GRIN1: variants seen among roughly 807,000 people sequenced by gnomAD.
GRIN1 encodes glutamate receptor ionotropic, NMDA 1.
Under a neutral mutation model 103.0 loss-of-function variants are expected in GRIN1, and 38 were observed. The ratio of observed to expected loss-of-function variants is 0.37; its 90% CI spans 0.28 to 0.48. The LOEUF is 0.48. Among genes scored for constraint, GRIN1 ranks in the 20% least tolerant of loss-of-function variants. The pLI, the probability that GRIN1 is intolerant of heterozygous loss-of-function variation, is 0.98. For synonymous variants in GRIN1, 544 were observed against 532.7 expected, an observed-to-expected ratio of 1.02 and a Z score of -0.29; for missense variants, 577 against 1,288.9, an observed-to-expected ratio of 0.45 and a Z score of 8.46.
rs189630009 is a variant in GRIN1, at chr9:137,142,184, G to A, written c.393+37G>A. ...TGCCAGACCAGGCCTTCCGGCCCTCGGCCCCAGGGCACAGCCTGGCCACTC... is the reference window on the plus strand; with the variant it reads ...TGCCAGACCAGGCCTTCCGGCCCTCAGCCCCAGGGCACAGCCTGGCCACTC... On this transcript the variant is annotated intron_variant, in intron 2 of 19. Transcript: ENST00000371561. 6.0e-3 allele frequency: 9,685 copies of A among 1,611,372 alleles called. 34 individuals carry two copies. The highest frequency in any genetic ancestry group is 7.0e-3 in the Non-Finnish European group (8,270 of 1,179,150).
intron 19 of GRIN1, chr9:137,165,520 GT>G: frequency 1.7e-6 from 1 of 578,348 alleles, no homozygotes; most frequent in East Asian, 2.9e-5. Flanking sequence ...GTGTGTCTCC[GT>G]TAGTCTGCCC....
chr9:137,141,501 C>A (rs945907898), intron 1 of GRIN1, among the ~76,000 whole-genome samples: 1 of 152,202 alleles, frequency 6.6e-6, no homozygotes, highest in Non-Finnish European at 1.5e-5. Flanking sequence ...AGGCCCTGCC[C>A]CTGGAGACAC....
chr9:137,139,844 G>GT lies in GRIN1; in HGVS notation c.258+101dup, dbSNP rs3216819. ...TCCTTTCCGTGCCCCCTTCCTCCCT[G>GT]TAAGACACCACCCCAGAGTCAGCTG... On this transcript the variant is annotated intron_variant, in intron 1 of 19. Coordinates refer to ENST00000371561, the MANE Select transcript of GRIN1 (RefSeq NM_007327.4). The surrounding 1 kb of genome is among the most constrained non-coding windows in gnomAD (Gnocchi z 7.7). 4.7e-3 allele frequency: 4,420 copies of GT among 948,430 alleles called. 69 individuals carry two copies. The highest frequency in any genetic ancestry group is 0.04 in the East Asian group (1,615 of 40,746). The allele number at this position is 948,430 out of a possible 1,614,324, so 58.8% of individuals were successfully genotyped here.
chr9:137,153,800 C>T (rs1055151690), intron 4 of GRIN1, among the ~76,000 whole-genome samples: 2 of 152,170 alleles, frequency 1.3e-5, no homozygotes, highest in Non-Finnish European at 2.9e-5. Context: ...ACCACACACC[C>T]GCCAACATAA....
intron 1 of GRIN1, among the ~76,000 whole-genome samples, chr9:137,140,540 C>T (rs1023047634): frequency 6.6e-6 from 1 of 152,242 alleles, no homozygotes; most frequent in Admixed American, 6.5e-5. Flanking sequence ...CACTCATGCA[C>T]CTCAGCATCA....
In GRIN1 at chr9:137,164,180, G is replaced by A. The variant is rs550814547; in HGVS notation, c.2589+276G>A. The A allele has an allele frequency of 3.2e-4, 167 of 514,692 alleles. 6 individuals carry two copies. Among genetic ancestry groups the A allele is most frequent in the South Asian group, 3.1e-3 (156 of 49,896 alleles). The allele number at this position is 514,692 out of a possible 1,614,324, so 31.9% of individuals were successfully genotyped here. ...GGCCCCTCTGTCTCCAGAGTCGCCC[G>A]CCGGTACCCATTCCATAGGAAGGCA... On this transcript the variant is annotated intron_variant, in intron 18 of 19. Coordinates refer to ENST00000371561, the MANE Select transcript of GRIN1 (RefSeq NM_007327.4).
chr9:137,166,448 G>A (rs1331323690), intron 19 of GRIN1, among the ~76,000 whole-genome samples: 1 of 152,240 alleles, frequency 6.6e-6, no homozygotes, highest in Non-Finnish European at 1.5e-5. Flanking sequence ...GAAGCCCCCA[G>A]CCCATAAGCA....
At chr9:137,163,692 C>G in intron 17 of GRIN1, 24 bp downstream of exon 17, 2 of 1,612,886 alleles carry the variant, frequency 1.2e-6, no homozygotes, top group Non-Finnish European at 1.7e-6. Flanking sequence ...CATCCATTCT[C>G]GGGTGGGTTC....
chr9:137,158,742 CA>C, intron 8 of GRIN1, 38 bp downstream of exon 8: 1 of 1,440,600 alleles, frequency 6.9e-7, no homozygotes, highest in Non-Finnish European at 9.8e-7. Flanking sequence ...GTCCCCACCC[CA>C]GACAGCCCAT....
intron 3 of GRIN1, chr9:137,148,286 C>CAG: frequency 9.9e-7 from 1 of 1,014,516 alleles, no homozygotes; most frequent in Non-Finnish European, 1.5e-6. Context: ...CCACTAGGGC[C>CAG]ACTGTCTGGC....
intron 1 of GRIN1, among the ~76,000 whole-genome samples, chr9:137,140,052 C>CCG (rs1832082981): frequency 6.6e-6 from 1 of 151,992 alleles, no homozygotes; most frequent in African/African-American, 2.4e-5. Context: ...GGTGGGCATT[C>CCG]CGGGTAAGAG....
rs1205996063 is a variant in GRIN1, at chr9:137,168,366, T to A, written c.*839T>A. The A allele has an allele frequency of 5.7e-6, 1 of 174,262 alleles. No individual in the cohort carries two copies. Among genetic ancestry groups the A allele is most frequent in the East Asian group, 1.8e-4 (1 of 5,680 alleles). The allele number at this position is 174,262 out of a possible 1,614,324, so 10.8% of individuals were successfully genotyped here. On this transcript the variant is annotated 3_prime_UTR_variant, in exon 20 of 20. Transcript: ENST00000371561. ...CTGGCCCTGCCCTCCCCCACGGCCG[T>A]CCCTGACTTCCCAGCTGGCAGCGCC...
At chr9:137,157,068 GC>G in intron 6 of GRIN1, 31 bp downstream of exon 6, 1 of 1,582,232 alleles carries the variant, frequency 6.3e-7, no homozygotes, top group Non-Finnish European at 8.6e-7. Flanking sequence ...GCTGGGCGGG[GC>G]TGCTCTTGGG....
chr9:137,139,681 C>A lies in GRIN1; in HGVS notation c.195C>A (p.Val65=). 1 of 1,613,944 alleles carries A rather than the reference C, an allele frequency of 6.2e-7. No individual in the cohort carries two copies. The highest frequency in any genetic ancestry group is 8.5e-7 in the Non-Finnish European group (1 of 1,179,946). Residue 65 remains valine, a synonymous_variant, in exon 1 of 20, where the codon GTC becomes GTA. Coordinates refer to ENST00000371561, the MANE Select transcript of GRIN1 (RefSeq NM_007327.4). The surrounding 1 kb of genome is among the most constrained non-coding windows in gnomAD (Gnocchi z 7.7). Reference sequence around the variant, plus strand: ...AGATTCAGCTCAATGCCACCTCCGTCACGCACAAGCCCAACGCCATCCAGA... The same window carrying A: ...AGATTCAGCTCAATGCCACCTCCGTAACGCACAAGCCCAACGCCATCCAGA... ...SWKIQLNATS[V]THKPNAIQMA...
At chr9:137,150,289 C>T (rs561285010) in intron 4 of GRIN1, among the ~76,000 whole-genome samples, 265 of 152,264 alleles carry the variant, frequency 1.7e-3, no homozygotes, top group Non-Finnish European at 3.1e-3. Flanking sequence ...GCACAGGTCC[C>T]AAAGAAGGAA....
chr9:137,148,975 C>T lies in GRIN1; in HGVS notation c.571-34C>T, dbSNP rs80079269. 568 of 1,490,854 alleles carry T rather than the reference C, an allele frequency of 3.8e-4. 3 individuals carry two copies. In the African/African-American group the frequency reaches 4.0e-3, roughly 11 times the overall value. 92.4% of individuals were successfully genotyped at this position (1,490,854 alleles called of 1,614,324 possible). On this transcript the variant is annotated intron_variant, in intron 3 of 19. Transcript: ENST00000371561. ...CCCTGAGGCGCTATGTCCCCTGCCCCAGCCGCCTGCTAACACTCTTGCTCA... is the reference window on the plus strand; with the variant it reads ...CCCTGAGGCGCTATGTCCCCTGCCCTAGCCGCCTGCTAACACTCTTGCTCA...
At chr9:137,157,148 G>T in intron 6 of GRIN1, 111 bp downstream of exon 6, 1 of 1,053,052 alleles carries the variant, frequency 9.5e-7, no homozygotes, top group Non-Finnish European at 1.4e-6. Context: ...CCACTCTCCA[G>T]AGCTGGGCGG....
Position 137,161,036 on chromosome 9 carries a change from G to A in GRIN1, c.1198-20G>A. The A allele has an allele frequency of 6.2e-7, 1 of 1,612,374 alleles. No homozygotes were observed. The highest frequency in any genetic ancestry group is 8.5e-7 in the Non-Finnish European group (1 of 1,179,686). ...AGCCTTAGGTCGGTGGTCCAGGCTG[G>A]GTCTCCCCTTCCCCCCCAGATTGTG... On this transcript the variant is annotated intron_variant, in intron 8 of 19. Coordinates refer to ENST00000371561, the MANE Select transcript of GRIN1 (RefSeq NM_007327.4).
At chr9:137,147,939 G>A (rs1475026321) in intron 3 of GRIN1, among the ~76,000 whole-genome samples, 2 of 152,112 alleles carry the variant, frequency 1.3e-5, no homozygotes, top group Admixed American at 6.5e-5. Context: ...CTTCGTGGCA[G>A]GGAGCCTCCA....
Sources: allele counts gnomAD v4.1 joint callset (sites outside exome capture counted in the v4.1 genomes callset), GRCh38; gene constraint gnomAD v4.1.1; non-coding constraint Gnocchi (gnomAD v3.1); transcripts MANE v1.5; gene names NCBI Gene and HGNC (gene_info 2026-07-23, HGNC 2026-07-21).